TRPV4: variants seen among roughly 807,000 people sequenced by gnomAD.
TRPV4 encodes transient receptor potential cation channel subfamily V member 4, also known as OSM9-like transient receptor potential channel 4.
In TRPV4, 58 loss-of-function variants were observed where a neutral mutation model predicts 84.1. That is an observed-to-expected ratio of 0.69 (90% CI 0.56 to 0.86). The LOEUF is 0.86. TRPV4 is among the 40% of genes least tolerant of loss of function. The pLI, the probability that TRPV4 is intolerant of heterozygous loss-of-function variation, is 0.00. For synonymous variants in TRPV4, 489 were observed against 500.9 expected (o/e 0.98, Z 0.32); for missense variants, 879 against 1,181.1 (o/e 0.74, Z 3.75).
At chr12:109,805,321 G>T (rs140194670) in intron 3 of TRPV4, among the ~76,000 whole-genome samples, 1 of 152,344 alleles carries the variant, frequency 6.6e-6, no homozygotes, top group Non-Finnish European at 1.5e-5. Flanking sequence ...GTGACCCAAA[G>T]TGGAACTAGA....
rs1383534041 is a variant in TRPV4 at position 109,820,514 on chromosome 12, CTATTTTTTT to C, written c.-31-5696_-31-5688del. ...CTGATCTTCACTTTCTTCAGCTGCC[CTATTTTTTT>C]TTTTTTTTTTTTTTTTTTGAGACGG... On this transcript the variant is annotated intron_variant, in intron 1 of 15. Coordinates refer to ENST00000261740, the MANE Select transcript of TRPV4 (RefSeq NM_021625.5). 7.3e-5 allele frequency among the ~76,000 whole-genome samples: 9 copies of C among 123,154 alleles called. 1 individual carries two copies. The highest frequency in any genetic ancestry group is 2.8e-4 in the African/African-American group (9 of 32,608). The allele number at this position is 123,154 out of a possible 152,430, so 80.8% of individuals were successfully genotyped here. A position where few individuals can be genotyped will look rare whatever the true frequency, so the allele number is the denominator to read the frequency against.
chr12:109,826,246 A>C (rs1339313351), intron 1 of TRPV4, among the ~76,000 whole-genome samples: 1 of 152,168 alleles, frequency 6.6e-6, no homozygotes, highest in African/African-American at 2.4e-5. Flanking sequence ...TTAGTCTCCA[A>C]TGCCCGGGCT....
rs538255561 is a variant in TRPV4, at chr12:109,783,243, C to G, written c.*378G>C. 443 of 224,274 alleles carry G rather than the reference C, an allele frequency of 2.0e-3. 3 individuals are homozygous for G. Among genetic ancestry groups the G allele is most frequent in the African/African-American group, 9.6e-3 (421 of 43,906 alleles). The allele number at this position is 224,274 out of a possible 1,614,324, so 13.9% of individuals were successfully genotyped here. ...CATGCAGCTCAGGCGCAGGCTGAGGCTGGGGCTTGGCCGGGCAGTGCACTT... is the reference window on the plus strand; with the variant it reads ...CATGCAGCTCAGGCGCAGGCTGAGGGTGGGGCTTGGCCGGGCAGTGCACTT... On this transcript the variant is annotated 3_prime_UTR_variant, in exon 16 of 16. Coordinates refer to ENST00000261740, the MANE Select transcript of TRPV4 (RefSeq NM_021625.5). This position sits in a 1 kb window ranked among gnomAD's most constrained non-coding sequence, Gnocchi z 4.6.
At chr12:109,811,682 C>T (rs1023271674) in intron 2 of TRPV4, among the ~76,000 whole-genome samples, 7 of 150,548 alleles carry the variant, frequency 4.6e-5, no homozygotes, top group Non-Finnish European at 7.4e-5. Flanking sequence ...GAAAAAGAGA[C>T]ATCTGAATGA....
At chr12:109,792,076 CAAAAAA>C (rs527506694) in intron 12 of TRPV4, among the ~76,000 whole-genome samples, 3 of 135,844 alleles carry the variant, frequency 2.2e-5, no homozygotes, top group African/African-American at 8.1e-5. Context: ...ACTAAAAATA[CAAAAAA>C]AAAAAAATTA....
At chr12:109,792,584 T>C in intron 11 of TRPV4, 68 bp downstream of exon 11, 2 of 1,602,168 alleles carry the variant, frequency 1.2e-6, no homozygotes, top group Non-Finnish European at 1.7e-6. Flanking sequence ...GGTGCATAAG[T>C]GTGCATGTGG....
At chr12:109,821,093 T>A (rs919743064) in intron 1 of TRPV4, among the ~76,000 whole-genome samples, 1 of 152,158 alleles carries the variant, frequency 6.6e-6, no homozygotes, top group Admixed American at 6.5e-5. Context: ...TCAAATCCCA[T>A]CCTCCTGATT....
chr12:109,796,020 A>G lies in TRPV4; in HGVS notation c.1332+505T>C, dbSNP rs1207627186. ...GCAATCCGCCCACCTTGGCTCCCCA[A>G]AATGCTAGAATTACAGGCATAAGCC... On this transcript the variant is annotated intron_variant, in intron 7 of 15. Transcript: ENST00000261740. The surrounding 1 kb of genome is among the most constrained non-coding windows in gnomAD (Gnocchi z 4.2). Among the ~76,000 whole-genome samples the G allele has an allele frequency of 6.6e-6, 1 of 152,132 alleles. No homozygotes were observed.
At chr12:109,825,868 C>T (rs919756798) in intron 1 of TRPV4, among the ~76,000 whole-genome samples, 9 of 152,206 alleles carry the variant, frequency 5.9e-5, no homozygotes, top group Non-Finnish European at 1.2e-4. Flanking sequence ...GTTTGAGATC[C>T]TTCCTCTGTC....
intron 2 of TRPV4, among the ~76,000 whole-genome samples, chr12:109,811,704 T>C (rs149106957): frequency 9.9e-4 from 143 of 144,528 alleles, no homozygotes; most frequent in African/African-American, 3.4e-3. Context: ...TCAATGACTG[T>C]GAATAAATAA....
Position 109,796,791 on chromosome 12 carries a change from A to G in TRPV4, c.1153-87T>C. The G allele has an allele frequency of 7.2e-7, 1 of 1,395,872 alleles. No individual in the cohort carries two copies. The highest frequency in any genetic ancestry group is 9.7e-7 in the Non-Finnish European group (1 of 1,033,300). 86.5% of individuals were successfully genotyped at this position (1,395,872 alleles called of 1,614,324 possible). On this transcript the variant is annotated intron_variant, in intron 6 of 15. Coordinates refer to ENST00000261740, the MANE Select transcript of TRPV4 (RefSeq NM_021625.5). This position sits in a 1 kb window ranked among gnomAD's most constrained non-coding sequence, Gnocchi z 4.2. The stretch of plus-strand genomic sequence containing the variant: ...AGCTCAGCACATGACGCCTCCCCAG[A>G]AAACAGCTAAGCACCGGCTGCTGGA...
chr12:109,821,489 T>A (rs1326881061), intron 1 of TRPV4, among the ~76,000 whole-genome samples: 1 of 152,154 alleles, frequency 6.6e-6, no homozygotes, highest in Non-Finnish European at 1.5e-5. Flanking sequence ...TAGAGTAACA[T>A]GTGCCTTCCT....
intron 1 of TRPV4, among the ~76,000 whole-genome samples, chr12:109,827,909 C>T (rs1406961048): frequency 2.6e-5 from 4 of 151,902 alleles, no homozygotes; most frequent in East Asian, 1.9e-4. Context: ...CACATACACA[C>T]GCACATCAAT....
intron 1 of TRPV4, among the ~76,000 whole-genome samples, chr12:109,820,610 C>T (rs898518989): frequency 2.0e-5 from 3 of 149,998 alleles, no homozygotes; most frequent in Non-Finnish European, 3.0e-5. Flanking sequence ...GCAAGCTCCG[C>T]CTCCCGGGTT....
chr12:109,791,220 C>G (rs1015851123), intron 12 of TRPV4, among the ~76,000 whole-genome samples: 1 of 151,936 alleles, frequency 6.6e-6, no homozygotes, highest in African/African-American at 2.4e-5. Flanking sequence ...CCATCTCTAC[C>G]AAAAATATAA....
chr12:109,785,267 C>G, intron 14 of TRPV4, among the ~76,000 whole-genome samples: 1 of 152,054 alleles, frequency 6.6e-6, no homozygotes, highest in South Asian at 2.1e-4. Flanking sequence ...CCTCTTGCCT[C>G]GCTTCCCAAA....
At chr12:109,794,864 A>C (rs527619536) in intron 7 of TRPV4, among the ~76,000 whole-genome samples, 2 of 152,150 alleles carry the variant, frequency 1.3e-5, no homozygotes, top group African/African-American at 2.4e-5. Flanking sequence ...CTAAAAACAC[A>C]ACAATTAGCC....
intron 1 of TRPV4, among the ~76,000 whole-genome samples, chr12:109,817,000 C>A (rs189011169): frequency 4.2e-4 from 64 of 152,322 alleles, no homozygotes; most frequent in African/African-American, 1.4e-3. Context: ...ACCTGTAAGA[C>A]TGGAGTGACC....
In TRPV4 at chr12:109,800,776, T is replaced by C. The variant is rs749378205; in HGVS notation, c.713-18A>G. On this transcript the variant is annotated intron_variant, in intron 4 of 15. Transcript: ENST00000261740. Reference sequence around the variant, plus strand: ...TGTCTGACCTGGGGGCAGGGGACGGTCATCCAGGGTCCTGGCGGAGCAGAG... The same window carrying C: ...TGTCTGACCTGGGGGCAGGGGACGGCCATCCAGGGTCCTGGCGGAGCAGAG... 6.5e-7 allele frequency: 1 copy of C among 1,533,550 alleles called. No homozygotes were observed. Among genetic ancestry groups the C allele is most frequent in the Non-Finnish European group, 8.8e-7 (1 of 1,134,038 alleles). The allele number at this position is 1,533,550 out of a possible 1,614,324, so 95.0% of individuals were successfully genotyped here.
Sources: allele counts gnomAD v4.1 joint callset (sites outside exome capture counted in the v4.1 genomes callset), GRCh38; gene constraint gnomAD v4.1.1; non-coding constraint Gnocchi (gnomAD v3.1); transcripts MANE v1.5; gene names NCBI Gene and HGNC (gene_info 2026-07-23, HGNC 2026-07-21).